Variants in ERG observed in about 807,000 individuals in gnomAD.
ERG encodes the protein transcriptional regulator ERG.
A neutral mutation model predicts 55.3 loss-of-function variants in ERG; 9 were observed. The observed-to-expected ratio is 0.16, with a 90% CI of 0.10 to 0.28. ERG has a LOEUF of 0.28. Ranked by LOEUF, ERG falls within the 10% of genes least tolerant of loss-of-function variation. The probability of loss-of-function intolerance (pLI) is 1.00; values close to 1 mark genes in which losing one functional copy is unlikely to be tolerated. For missense variants in ERG, 434 were observed against 631.6 expected, an observed-to-expected ratio of 0.69 and a Z score of 3.35; for synonymous variants, 223 against 237.3, an observed-to-expected ratio of 0.94 and a Z score of 0.55.
At chr21:38,414,494 C>A (rs557517806) in intron 3 of ERG, among the ~76,000 whole-genome samples, 22 of 152,234 alleles carry the variant, frequency 1.4e-4, no homozygotes, top group African/African-American at 4.6e-4. Context: ...GATGCCAGAC[C>A]CAAATATAAA....
At chr21:38,536,332 C>T (rs1353961380) in intron 2 of ERG, among the ~76,000 whole-genome samples, 1 of 152,160 alleles carries the variant, frequency 6.6e-6, no homozygotes, top group Non-Finnish European at 1.5e-5. Flanking sequence ...TTTGGGAAAA[C>T]AGCCCACATG....
Position 38,546,349 on chromosome 21 carries a change from G to A in ERG, c.-41+29313C>T, listed in dbSNP as rs146083769. Among the ~76,000 whole-genome samples, 590 of 152,068 alleles carry A rather than the reference G, an allele frequency of 3.9e-3. 3 individuals are homozygous for A. Among genetic ancestry groups the A allele is most frequent in the Non-Finnish European group, 6.3e-3 (431 of 67,986 alleles). On this transcript the variant is annotated intron_variant, in intron 2 of 8. Coordinates refer to the ERG transcript ENST00000398897. ...CAAACACAAAGCCAACATGCCATAC[G>A]AAAAGATAGTACTGTGCTTCCTTCA...
intron 2 of ERG, among the ~76,000 whole-genome samples, chr21:38,442,375 A>G (rs2058849573): frequency 6.6e-6 from 1 of 152,214 alleles, no homozygotes; most frequent in African/African-American, 2.4e-5. Context: ...AGCCTGGGTA[A>G]AAAAGAGCAA....
intron 1 of ERG, among the ~76,000 whole-genome samples, chr21:38,489,305 T>C (rs1044034745): frequency 1.3e-5 from 2 of 152,180 alleles, no homozygotes; most frequent in Non-Finnish European, 2.9e-5. Context: ...GGCTTGGGCT[T>C]TCAACAGTGA....
chr21:38,440,565 A>T (rs1420655251), intron 2 of ERG, among the ~76,000 whole-genome samples: 1 of 152,102 alleles, frequency 6.6e-6, no homozygotes, highest in Non-Finnish European at 1.5e-5. Flanking sequence ...TCACGCTTGT[A>T]ATCCCAGCAC....
At chr21:38,604,677 T>C (rs572416824) in intron 1 of ERG, among the ~76,000 whole-genome samples, 2 of 152,366 alleles carry the variant, frequency 1.3e-5, no homozygotes, top group South Asian at 2.1e-4. Context: ...ACCAGTATAA[T>C]GTGTACATTG....
chr21:38,423,692 A>G, intron 2 of ERG, 131 bp from the exon 3 acceptor site: 1 of 988,726 alleles, frequency 1.0e-6, no homozygotes, highest in East Asian at 2.6e-5. Context: ...GACAAGTGTG[A>G]AAAGCCAAAT....
At chr21:38,594,455 G>A (rs2060119470) in intron 1 of ERG, among the ~76,000 whole-genome samples, 1 of 152,090 alleles carries the variant, frequency 6.6e-6, no homozygotes, top group African/African-American at 2.4e-5. Context: ...CCTTTAACAA[G>A]TATGAACTGA....
At chr21:38,545,093 T>C (rs1479110175) in intron 2 of ERG, among the ~76,000 whole-genome samples, 1 of 152,164 alleles carries the variant, frequency 6.6e-6, no homozygotes, top group Non-Finnish European at 1.5e-5. Flanking sequence ...ATTTGGAATT[T>C]ACATTCACTC....
At chr21:38,528,249 C>T (rs1245858123) in intron 2 of ERG, among the ~76,000 whole-genome samples, 1 of 152,108 alleles carries the variant, frequency 6.6e-6, no homozygotes, top group Admixed American at 6.5e-5. Context: ...AACCCTATTT[C>T]CAAATAAGGT....
chr21:38,597,037 C>T (rs1429385828), intron 1 of ERG, among the ~76,000 whole-genome samples: 3 of 152,202 alleles, frequency 2.0e-5, no homozygotes, highest in Non-Finnish European at 4.4e-5. Context: ...GAGAGCTTGG[C>T]TGTTCTTTTT....
upstream of ERG, among the ~76,000 whole-genome samples, chr21:38,586,601 G>A (rs374738228): frequency 1.3e-5 from 2 of 152,218 alleles, no homozygotes; most frequent in East Asian, 3.9e-4. Context: ...GGGAACTCTT[G>A]CCCACCGTTG....
chr21:38,554,235 A>G (rs2059843858), intron 2 of ERG, among the ~76,000 whole-genome samples: 1 of 152,210 alleles, frequency 6.6e-6, no homozygotes, highest in Non-Finnish European at 1.5e-5. Context: ...GCGTGTGTGA[A>G]TGTAAATTAG....
At chr21:38,585,214 G>A (rs1042976218), upstream of ERG, among the ~76,000 whole-genome samples, 3 of 152,156 alleles carry the variant, frequency 2.0e-5, no homozygotes, top group African/African-American at 7.2e-5. Context: ...CTTTTGCACA[G>A]AAAATATTTT....
intron 1 of ERG, among the ~76,000 whole-genome samples, chr21:38,636,091 T>C (rs2060386548): frequency 6.7e-6 from 1 of 149,438 alleles, no homozygotes; most frequent in African/African-American, 2.5e-5. Context: ...TGAGTTCTCA[T>C]GAGATCTAAT....
chr21:38,653,569 T>A (rs2146989217), intron 1 of ERG, among the ~76,000 whole-genome samples: 1 of 152,324 alleles, frequency 6.6e-6, no homozygotes. Flanking sequence ...CTTAGCTATT[T>A]AAAGTAAAAA....
chr21:38,595,632 A>G (rs1312907774), intron 1 of ERG, among the ~76,000 whole-genome samples: 1 of 152,156 alleles, frequency 6.6e-6, no homozygotes, highest in South Asian at 2.1e-4. Flanking sequence ...CTGGCTCTGA[A>G]GTGTTCTGCC....
chr21:38,616,175 C>T (rs1023674454), intron 1 of ERG, among the ~76,000 whole-genome samples: 6 of 152,158 alleles, frequency 3.9e-5, no homozygotes, highest in Non-Finnish European at 5.9e-5. Context: ...GAAGAAGGTG[C>T]CTGCTTCCCC....
intron 1 of ERG, among the ~76,000 whole-genome samples, chr21:38,492,176 A>C (rs2059342128): frequency 6.6e-6 from 1 of 152,216 alleles, no homozygotes; most frequent in Non-Finnish European, 1.5e-5. Flanking sequence ...TGTATAAGAT[A>C]CTTCGCCTCT....
Sources: gnomAD v4.1 joint callset for allele counts (sites outside exome capture counted in the v4.1 genomes callset) on GRCh38, gnomAD v4.1.1 for gene constraint, MANE v1.5 for transcripts, NCBI Gene and HGNC (gene_info 2026-07-23, HGNC 2026-07-21) for gene names.